The following KLF12 variants were observed in gnomAD, a reference collection of about 807,000 sequenced individuals.
KLF12 encodes the protein KLF transcription factor 12.
Under a neutral mutation model 37.8 loss-of-function variants are expected in KLF12, and 9 were observed. The ratio of observed to expected loss-of-function variants is 0.24; its 90% CI spans 0.14 to 0.42. KLF12 has a LOEUF of 0.42. Ranked by LOEUF, KLF12 falls within the 10% of genes least tolerant of loss-of-function variation. The probability of loss-of-function intolerance (pLI) is 1.00; values close to 1 mark genes in which losing one functional copy is unlikely to be tolerated. For synonymous variants in KLF12, 208 were observed against 202.1 expected (o/e 1.03, Z -0.25); for missense variants, 411 against 516.0 (o/e 0.80, Z 1.97).
intron 3 of KLF12, among the ~76,000 whole-genome samples, chr13:73,874,249 T>A (rs1231837415): frequency 6.6e-6 from 1 of 152,234 alleles, no homozygotes; most frequent in Non-Finnish European, 1.5e-5. Context: ...TTGCTTTTTA[T>A]GGAGAAAATA....
At chr13:73,781,120 G>T (rs1414173397) in intron 5 of KLF12, among the ~76,000 whole-genome samples, 1 of 152,190 alleles carries the variant, frequency 6.6e-6, no homozygotes, top group African/African-American at 2.4e-5. Flanking sequence ...CCAGTGGAGG[G>T]TCTTGCCTCC....
intron 4 of KLF12, among the ~76,000 whole-genome samples, chr13:73,822,902 T>C (rs899521685): frequency 6.6e-6 from 1 of 152,206 alleles, no homozygotes; most frequent in Non-Finnish European, 1.5e-5. Context: ...CCTTTGCCTT[T>C]TGTTCATTCA....
chr13:73,894,788 A>G (rs1054252425), intron 3 of KLF12, among the ~76,000 whole-genome samples: 1 of 152,210 alleles, frequency 6.6e-6, no homozygotes, highest in South Asian at 2.1e-4. Context: ...TCCATTAAAT[A>G]TACTGTTGAC....
intron 5 of KLF12, among the ~76,000 whole-genome samples, chr13:73,792,139 AACTCT>A (rs1193165286): frequency 6.6e-6 from 1 of 152,172 alleles, no homozygotes; most frequent in Non-Finnish European, 1.5e-5. Flanking sequence ...AATTAACTGC[AACTCT>A]ACTCTCCTCT....
At chr13:73,905,153 G>T (rs9600183) in intron 3 of KLF12, among the ~76,000 whole-genome samples, 1 of 151,880 alleles carries the variant, frequency 6.6e-6, no homozygotes, top group East Asian at 1.9e-4. Flanking sequence ...AATTAAATAT[G>T]ATTTTAGAGG....
chr13:74,007,700 T>C (rs767020627), intron 1 of KLF12, among the ~76,000 whole-genome samples: 5 of 152,164 alleles, frequency 3.3e-5, no homozygotes, highest in Admixed American at 6.5e-5. Context: ...GTGGAAAACA[T>C]AATTCTGTAG....
the KLF12 span, among the ~76,000 whole-genome samples, chr13:74,150,919 T>G: frequency 6.6e-6 from 1 of 152,218 alleles, no homozygotes; most frequent in South Asian, 2.1e-4. Flanking sequence ...TTCTGGAATT[T>G]TCCATTTAAA....
intron 2 of KLF12, among the ~76,000 whole-genome samples, chr13:73,987,808 G>T (rs1250876124): frequency 2.2e-5 from 3 of 137,542 alleles, no homozygotes; most frequent in South Asian, 5.5e-4. Context: ...GAGAGAAAGT[G>T]GGGGGGTAGA....
At chr13:74,041,505 C>T (rs138419059) in intron 1 of KLF12, among the ~76,000 whole-genome samples, 1 of 152,054 alleles carries the variant, frequency 6.6e-6, no homozygotes, top group African/African-American at 2.4e-5. Context: ...CTCTCAAATT[C>T]AAGCATTGTG....
chr13:74,054,025 C>A (rs1015724739), intron 1 of KLF12, among the ~76,000 whole-genome samples: 3 of 152,074 alleles, frequency 2.0e-5, no homozygotes, highest in Admixed American at 2.0e-4. Context: ...TTAATGAAAT[C>A]CCACTCTCAA....
chr13:73,907,319 G>A (rs1046962769), intron 3 of KLF12, among the ~76,000 whole-genome samples: 2 of 152,022 alleles, frequency 1.3e-5, no homozygotes, highest in Non-Finnish European at 2.9e-5. Context: ...TCACTGAGCC[G>A]GCCTCTTGAT....
At chr13:73,970,450 T>C (rs1338682981) in intron 2 of KLF12, among the ~76,000 whole-genome samples, 1 of 152,078 alleles carries the variant, frequency 6.6e-6, no homozygotes, top group Non-Finnish European at 1.5e-5. Context: ...CCGACATAGC[T>C]GAGAAAACTG....
chr13:74,188,904 C>A, the KLF12 span, among the ~76,000 whole-genome samples: 1 of 151,964 alleles, frequency 6.6e-6, no homozygotes, highest in Non-Finnish European at 1.5e-5. Context: ...GGCGGAGACA[C>A]GAGAATTGCT....
chr13:73,867,881 C>T (rs1388545340), intron 3 of KLF12, among the ~76,000 whole-genome samples: 2 of 151,806 alleles, frequency 1.3e-5, no homozygotes, highest in African/African-American at 2.4e-5. Flanking sequence ...ATTAGTCGGG[C>T]ATGGTGGCGG....
chr13:73,996,338 T>G (rs1892119029), intron 1 of KLF12, among the ~76,000 whole-genome samples: 1 of 152,238 alleles, frequency 6.6e-6, no homozygotes, highest in Non-Finnish European at 1.5e-5. Flanking sequence ...CATGGTATCC[T>G]TTGAAATACT....
At chr13:73,943,840 A>T in intron 3 of KLF12, 141 bp downstream of exon 3, 1 of 604,694 alleles carries the variant, frequency 1.7e-6, no homozygotes, top group South Asian at 2.1e-5. Context: ...CCACAATCTC[A>T]GATTTTTGTT....
chr13:73,995,770 A>G (rs933575536), intron 1 of KLF12, among the ~76,000 whole-genome samples: 4 of 152,182 alleles, frequency 2.6e-5, no homozygotes, highest in Non-Finnish European at 5.9e-5. Context: ...ATAATAGACC[A>G]TTTGCCCTAT....
the KLF12 span, among the ~76,000 whole-genome samples, chr13:74,191,412 G>T: frequency 6.6e-6 from 1 of 152,134 alleles, no homozygotes; most frequent in Non-Finnish European, 1.5e-5. Flanking sequence ...ATTTTGTTGA[G>T]TTATATTTAT....
chr13:73,733,130 T>TTTGTAA (rs1326576346), intron 6 of KLF12, among the ~76,000 whole-genome samples: 1 of 152,186 alleles, frequency 6.6e-6, no homozygotes, highest in East Asian at 1.9e-4. Context: ...CAGTCTTTTA[T>TTTGTAA]TTGTAATTGT....
Sources: allele counts gnomAD v4.1 joint callset (sites outside exome capture counted in the v4.1 genomes callset), GRCh38; gene constraint gnomAD v4.1.1; transcripts MANE v1.5; gene names NCBI Gene and HGNC (gene_info 2026-07-23, HGNC 2026-07-21).